The following DNAH11 variants were observed in gnomAD, a reference collection of about 807,000 sequenced individuals.
The protein encoded by DNAH11 is dynein axonemal heavy chain 11, also known as axonemal beta dynein heavy chain 11.
In DNAH11, 442 loss-of-function variants were observed where a neutral mutation model predicts 526.0. That is an observed-to-expected ratio of 0.84 (90% CI 0.78 to 0.91). The LOEUF (loss-of-function observed/expected upper bound fraction) is 0.91, where lower values mean the gene tolerates loss of function less well. Among genes scored for constraint, DNAH11 ranks in the 40% least tolerant of loss-of-function variants. The pLI is 0.00. For missense variants in DNAH11, 6,989 were observed against 5,448.7 expected, an observed-to-expected ratio of 1.28 and a Z score of -8.90; for synonymous variants, 2,461 against 1,935.9, an observed-to-expected ratio of 1.27 and a Z score of -7.12.
intron 28 of DNAH11, among the ~76,000 whole-genome samples, chr7:21,644,382 T>G (rs1254415238): frequency 6.6e-6 from 1 of 152,140 alleles, no homozygotes; most frequent in Non-Finnish European, 1.5e-5. Flanking sequence ...TGCCAAAACC[T>G]TCACTGACAG....
At chr7:21,856,422 G>A (rs1216783280) in intron 68 of DNAH11, among the ~76,000 whole-genome samples, 1 of 152,206 alleles carries the variant, frequency 6.6e-6, no homozygotes, top group African/African-American at 2.4e-5. Flanking sequence ...CAAGCACAGT[G>A]TGGTTGGAGT....
rs532814446 is a variant in DNAH11 at position 21,787,657 on chromosome 7, G to A, written c.9924+74G>A. The A allele has an allele frequency of 2.6e-5, 34 of 1,313,444 alleles. No homozygotes were observed. In the Admixed American group the frequency reaches 4.6e-4, roughly 18 times the overall value. 81.4% of individuals were successfully genotyped at this position (1,313,444 alleles called of 1,614,324 possible). On this transcript the variant is annotated intron_variant, in intron 60 of 81. Transcript: ENST00000409508. ...CAAACACATCAATTTCTAGGTCAGC[G>A]AGAAGAGTAAAATTTGTTATTTCAT...
At chr7:21,736,300 T>C (rs1164412874) in intron 46 of DNAH11, among the ~76,000 whole-genome samples, 2 of 152,234 alleles carry the variant, frequency 1.3e-5, no homozygotes. Context: ...TTTTGAACTA[T>C]TGAATAACTA....
In DNAH11 at chr7:21,867,915, T is replaced by C. The variant is rs538666182; in HGVS notation, c.11747T>C (p.Leu3916Ser). The change falls in exon 72 of 82, where the codon TTA (leucine) becomes TCA (serine). Residue 3916 changes from leucine (L) to serine (S), a missense_variant. Coordinates refer to ENST00000409508, the MANE Select transcript of DNAH11 (RefSeq NM_001277115.2). The stretch of plus-strand genomic sequence containing the variant: ...TATGTGGAGAGGACCAGATTGGACT[T>C]AGTTAAAGCATTCGAAGAAAGCAGC... ...AKYVERTRLDLVKAFEESSPA... is the reference protein window; with the variant it reads ...AKYVERTRLDSVKAFEESSPA... 9.8e-5 allele frequency: 155 copies of C among 1,581,338 alleles called. 2 individuals are homozygous for C. In the South Asian group the frequency reaches 1.4e-3, roughly 15 times the overall value.
At chr7:21,665,732 C>T (rs1782397185) in intron 30 of DNAH11, among the ~76,000 whole-genome samples, 1 of 152,062 alleles carries the variant, frequency 6.6e-6, no homozygotes, top group African/African-American at 2.4e-5. Flanking sequence ...GTGAAGAAAG[C>T]ATTTATCCAC....
At chr7:21,638,872 T>C (rs1786990237) in intron 27 of DNAH11, 67 bp from the exon 28 acceptor site, 3 of 1,539,404 alleles carry the variant, frequency 1.9e-6, no homozygotes, top group Non-Finnish European at 1.7e-6. Flanking sequence ...GACTTGAGTT[T>C]TGTTTTGCCG....
chr7:21,800,263 ATT>A (rs1214739302), intron 61 of DNAH11, among the ~76,000 whole-genome samples: 2 of 152,070 alleles, frequency 1.3e-5, no homozygotes, highest in Non-Finnish European at 2.9e-5. Flanking sequence ...CAGCCCTGTG[ATT>A]CACACATCCT....
chr7:21,675,181 C>G (rs560206772), intron 30 of DNAH11, among the ~76,000 whole-genome samples: 23 of 152,358 alleles, frequency 1.5e-4, no homozygotes, highest in Non-Finnish European at 2.4e-4. Context: ...TCAGCACCAT[C>G]TCATTGTCCT....
At position 21,794,509 on chromosome 7, in the gene DNAH11, G is replaced by T. The variant is rs115704517; in HGVS notation, c.10026+5167G>T. On this transcript the variant is annotated intron_variant, in intron 61 of 81. Transcript: ENST00000409508. ...CAGGTTTGCCTTGACTCTTAGAAAT[G>T]CTTGAAGTACTGACCATCCTGAATT... Among the ~76,000 whole-genome samples, 1,468 of 152,236 alleles carry T rather than the reference G, an allele frequency of 9.6e-3. 15 individuals carry two copies. Among genetic ancestry groups the T allele is most frequent in the African/African-American group, 0.033 (1,383 of 41,548 alleles).
intron 8 of DNAH11, among the ~76,000 whole-genome samples, chr7:21,572,931 A>G (rs1382032332): frequency 1.3e-5 from 2 of 152,296 alleles, no homozygotes; most frequent in East Asian, 1.9e-4. Context: ...GATGCCTGGC[A>G]CTTGGAAGGC....
intron 70 of DNAH11, among the ~76,000 whole-genome samples, chr7:21,865,998 T>C (rs1783258451): frequency 6.6e-6 from 1 of 152,200 alleles, no homozygotes; most frequent in African/African-American, 2.4e-5. Context: ...ATCGTGGTTT[T>C]GTTGGGTTTT....
intron 5 of DNAH11, among the ~76,000 whole-genome samples, chr7:21,562,256 G>A (rs1001078974): frequency 2.0e-5 from 3 of 152,134 alleles, no homozygotes; most frequent in Admixed American, 1.3e-4. Flanking sequence ...AGGATATTTA[G>A]CAGTATCTCT....
intron 28 of DNAH11, among the ~76,000 whole-genome samples, chr7:21,651,899 A>G (rs905872123): frequency 1.3e-5 from 2 of 152,226 alleles, no homozygotes; most frequent in Non-Finnish European, 2.9e-5. Flanking sequence ...ACATCTTTCT[A>G]ATTCTGTCAG....
intron 42 of DNAH11, among the ~76,000 whole-genome samples, chr7:21,713,029 T>C (rs143374872): frequency 1.3e-5 from 2 of 152,356 alleles, no homozygotes; most frequent in Non-Finnish European, 2.9e-5. Context: ...GTATGTATAC[T>C]ATCCATACAT....
intron 75 of DNAH11, among the ~76,000 whole-genome samples, chr7:21,881,796 T>C (rs1162220897): frequency 6.6e-6 from 1 of 152,230 alleles, no homozygotes; most frequent in African/African-American, 2.4e-5. Flanking sequence ...GGTGATTTGA[T>C]TGCTATTAGA....
At position 21,733,440 on chromosome 7, in the gene DNAH11, C is replaced by G. The variant is rs1474083092; in HGVS notation, c.7441-2200C>G. Among the ~76,000 whole-genome samples the G allele has an allele frequency of 2.0e-5, 3 of 152,148 alleles. No homozygotes were observed. In the East Asian group the frequency reaches 5.8e-4, roughly 29 times the overall value. ...GTCCCAAGAGCCAAAAGTGCCTGCT[C>G]CCTCCACTTTATGTATTTGGAAATC... On this transcript the variant is annotated intron_variant, in intron 45 of 81. Coordinates refer to ENST00000409508, the MANE Select transcript of DNAH11 (RefSeq NM_001277115.2).
Position 21,862,710 on chromosome 7 carries a change from C to A in DNAH11, c.11373+687C>A, listed in dbSNP as rs368223256. On this transcript the variant is annotated intron_variant, in intron 69 of 81. Transcript: ENST00000409508. Reference sequence around the variant, plus strand: ...GTAAAGAGAGCTCCAGGTTTCTTACCCACACCTTCAGTGAAACCTGCTTCC... The same window carrying A: ...GTAAAGAGAGCTCCAGGTTTCTTACACACACCTTCAGTGAAACCTGCTTCC... 2.6e-4 allele frequency among the ~76,000 whole-genome samples: 40 copies of A among 152,146 alleles called. 1 individual carries two copies. The highest frequency in any genetic ancestry group is 1.8e-3 in the Admixed American group (28 of 15,270).
chr7:21,554,969 T>C (rs1168418312), intron 2 of DNAH11, among the ~76,000 whole-genome samples: 2 of 152,226 alleles, frequency 1.3e-5, no homozygotes, highest in East Asian at 1.9e-4. Flanking sequence ...CTAACCCTCC[T>C]GCTGCCCCTT....
In DNAH11 at chr7:21,687,060, A is replaced by C. The variant is rs1866673; in HGVS notation, c.5622-39A>C. 2.5e-3 allele frequency: 3,959 copies of C among 1,579,550 alleles called. 7 individuals are homozygous for C. The highest frequency in any genetic ancestry group is 3.0e-3 in the Non-Finnish European group (3,480 of 1,163,768). Reference sequence around the variant, plus strand: ...GCCTCTGATGTTTTATGAAAATCTCATATTAGACTGTGATGTTTGTGTTTT... The same window carrying C: ...GCCTCTGATGTTTTATGAAAATCTCCTATTAGACTGTGATGTTTGTGTTTT... On this transcript the variant is annotated intron_variant, in intron 32 of 81. Coordinates refer to ENST00000409508, the MANE Select transcript of DNAH11 (RefSeq NM_001277115.2).
Sources: gnomAD v4.1 joint callset for allele counts (sites outside exome capture counted in the v4.1 genomes callset) on GRCh38, gnomAD v4.1.1 for gene constraint, MANE v1.5 for transcripts, NCBI Gene and HGNC (gene_info 2026-07-23, HGNC 2026-07-21) for gene names.